GPM6A: variants seen among roughly 807,000 people sequenced by gnomAD.
GPM6A encodes the protein glycoprotein M6A.
Under a neutral mutation model 32.1 loss-of-function variants are expected in GPM6A, and 7 were observed. The observed-to-expected ratio is 0.22, with a 90% CI of 0.12 to 0.41. GPM6A has a LOEUF of 0.41. Among genes scored for constraint, GPM6A ranks in the 10% least tolerant of loss-of-function variants. The pLI is 1.00. For synonymous variants in GPM6A, 130 were observed against 123.4 expected (o/e 1.05, Z -0.35); for missense variants, 235 against 347.2 (o/e 0.68, Z 2.57).
At chr4:175,636,486 C>A (rs1349757845) in intron 6 of GPM6A, among the ~76,000 whole-genome samples, 2 of 150,952 alleles carry the variant, frequency 1.3e-5, no homozygotes, top group South Asian at 2.1e-4. Flanking sequence ...ATGTGGCCCC[C>A]AAATTATTAT....
chr4:175,753,695 G>A (rs925534500), intron 1 of GPM6A, among the ~76,000 whole-genome samples: 1 of 151,910 alleles, frequency 6.6e-6, no homozygotes, highest in South Asian at 2.1e-4. Context: ...CTCCTTAATG[G>A]TCTTCCAAAT....
At chr4:175,685,180 C>T (rs181766434) in intron 2 of GPM6A, among the ~76,000 whole-genome samples, 7 of 152,266 alleles carry the variant, frequency 4.6e-5, no homozygotes, top group Admixed American at 2.0e-4. Context: ...TGAGCCACCG[C>T]GCCTGGCCTA....
chr4:175,837,865 T>G (rs1321673434), intron 1 of GPM6A, among the ~76,000 whole-genome samples: 1 of 152,158 alleles, frequency 6.6e-6, no homozygotes, highest in Non-Finnish European at 1.5e-5. Flanking sequence ...TTTCTACATT[T>G]TTAGCTTAAG....
At chr4:175,818,029 C>T (rs1480609419) in intron 1 of GPM6A, among the ~76,000 whole-genome samples, 4 of 152,160 alleles carry the variant, frequency 2.6e-5, no homozygotes, top group African/African-American at 9.7e-5. Context: ...AAGACCTTTC[C>T]TCTCCAATCT....
chr4:175,671,892 T>G (rs2110978886), intron 3 of GPM6A, among the ~76,000 whole-genome samples: 1 of 144,316 alleles, frequency 6.9e-6, no homozygotes, highest in Admixed American at 7.3e-5. Flanking sequence ...GCTGACACCC[T>G]GCTGCATTGC....
chr4:175,842,231 C>A (rs1735959280), intron 1 of GPM6A, among the ~76,000 whole-genome samples: 1 of 152,042 alleles, frequency 6.6e-6, no homozygotes. Flanking sequence ...TCTCCAAAAG[C>A]AAATTTAGCA....
chr4:175,771,298 C>T (rs1416479972), intron 1 of GPM6A, among the ~76,000 whole-genome samples: 3 of 152,068 alleles, frequency 2.0e-5, no homozygotes, highest in African/African-American at 7.2e-5. Context: ...CATGGCCAGG[C>T]GCGGTGGCTG....
At chr4:175,768,851 T>A (rs909638690) in intron 1 of GPM6A, among the ~76,000 whole-genome samples, 1 of 152,122 alleles carries the variant, frequency 6.6e-6, no homozygotes, top group African/African-American at 2.4e-5. Context: ...ATCTCAGCAG[T>A]TTGGGAGGCC....
At chr4:175,685,848 A>G (rs1743949877) in intron 2 of GPM6A, among the ~76,000 whole-genome samples, 1 of 152,138 alleles carries the variant, frequency 6.6e-6, no homozygotes, top group African/African-American at 2.4e-5. Flanking sequence ...TTATCTTCCC[A>G]AAAGCTTATT....
At chr4:175,649,879 G>A (rs1433044782) in intron 4 of GPM6A, among the ~76,000 whole-genome samples, 4 of 152,174 alleles carry the variant, frequency 2.6e-5, no homozygotes, top group African/African-American at 9.7e-5. Flanking sequence ...TTAACTGGGT[G>A]CCCTGTATTT....
At chr4:175,638,799 G>C (rs760953763) in intron 6 of GPM6A, among the ~76,000 whole-genome samples, 1 of 152,074 alleles carries the variant, frequency 6.6e-6, no homozygotes, top group African/African-American at 2.4e-5. Flanking sequence ...ATAGAAATGG[G>C]TGTATGAACA....
At chr4:175,952,702 A>G (rs149294864) in intron 1 of GPM6A, among the ~76,000 whole-genome samples, 1 of 152,282 alleles carries the variant, frequency 6.6e-6, no homozygotes, top group African/African-American at 2.4e-5. Flanking sequence ...ATAATGAGCC[A>G]TCCTGTCCAC....
intron 1 of GPM6A, among the ~76,000 whole-genome samples, chr4:175,913,278 T>C (rs1738380138): frequency 6.6e-6 from 1 of 152,228 alleles, no homozygotes; most frequent in South Asian, 2.1e-4. Context: ...TCACCCACTA[T>C]GTCTTCCAAG....
intron 6 of GPM6A, among the ~76,000 whole-genome samples, chr4:175,638,095 T>G (rs544572033): frequency 6.7e-6 from 1 of 150,162 alleles, no homozygotes; most frequent in African/African-American, 2.4e-5. Context: ...TTTGTCAGCA[T>G]GTAGGACTTC....
At chr4:175,958,655 A>G (rs1363440939) in intron 1 of GPM6A, among the ~76,000 whole-genome samples, 4 of 152,244 alleles carry the variant, frequency 2.6e-5, no homozygotes, top group Non-Finnish European at 5.9e-5. Flanking sequence ...TTGAGTGTAT[A>G]TTAGCAGTCC....
intron 1 of GPM6A, among the ~76,000 whole-genome samples, chr4:175,838,112 GACACACACACACAC>G (rs10548625): frequency 2.1e-5 from 3 of 141,864 alleles, no homozygotes; most frequent in East Asian, 2.1e-4. Context: ...CACACACACA[GACACACACACACAC>G]ACACACACAC....
At chr4:175,882,777 G>A (rs2111460558) in intron 1 of GPM6A, among the ~76,000 whole-genome samples, 1 of 152,156 alleles carries the variant, frequency 6.6e-6, no homozygotes, top group Admixed American at 6.5e-5. Context: ...TTGATAAAAG[G>A]TGATAAGGGG....
chr4:175,763,701 T>C (rs899222065), intron 1 of GPM6A, among the ~76,000 whole-genome samples: 2 of 152,154 alleles, frequency 1.3e-5, no homozygotes, highest in Non-Finnish European at 2.9e-5. Flanking sequence ...TAACAGTGAT[T>C]TCTTATGGAA....
intron 1 of GPM6A, among the ~76,000 whole-genome samples, chr4:175,852,388 C>A (rs1310171084): frequency 2.6e-5 from 4 of 152,010 alleles, no homozygotes; most frequent in Non-Finnish European, 4.4e-5. Flanking sequence ...CGCCAGAGAC[C>A]AAATAAAGAT....
Sources: gnomAD v4.1 joint callset for allele counts (sites outside exome capture counted in the v4.1 genomes callset) on GRCh38, gnomAD v4.1.1 for gene constraint, MANE v1.5 for transcripts, NCBI Gene and HGNC (gene_info 2026-07-23, HGNC 2026-07-21) for gene names.